USP33: variants seen among roughly 807,000 people sequenced by gnomAD.
USP33 encodes the protein ubiquitin specific peptidase 33, also known as ubiquitin carboxyl-terminal hydrolase 33.
Under a neutral mutation model 124.2 loss-of-function variants are expected in USP33, and 46 were observed. The observed-to-expected ratio is 0.37, with a 90% CI of 0.29 to 0.47. The LOEUF (loss-of-function observed/expected upper bound fraction) is 0.47, where lower values mean the gene tolerates loss of function less well. USP33 is among the 20% of genes least tolerant of loss of function. The pLI, the probability that USP33 is intolerant of heterozygous loss-of-function variation, is 0.99. For synonymous variants in USP33, 350 were observed against 352.3 expected (o/e 0.99, Z 0.07); for missense variants, 851 against 1,070.6 (o/e 0.79, Z 2.86).
At chr1:77,758,455 T>G (rs1681012885) in intron 1 of USP33, among the ~76,000 whole-genome samples, 1 of 152,204 alleles carries the variant, frequency 6.6e-6, no homozygotes, top group Non-Finnish European at 1.5e-5. Flanking sequence ...ATTACAGGCG[T>G]GAGCCACCGT....
chr1:77,741,017 T>G, intron 3 of USP33, 78 bp from the exon 4 acceptor site: 1 of 1,023,798 alleles, frequency 9.8e-7, no homozygotes, highest in Non-Finnish European at 1.4e-6. Flanking sequence ...TACAATTACA[T>G]TTACAATTAA....
At chr1:77,726,481 C>CA (rs1257779648) in intron 10 of USP33, among the ~76,000 whole-genome samples, 2 of 151,606 alleles carry the variant, frequency 1.3e-5, no homozygotes, top group African/African-American at 2.4e-5. Context: ...CCCATCTCTA[C>CA]AAAAAAATCT....
rs769214893 is a variant in USP33, at chr1:77,728,263, T to A, written c.1135+32A>T. 1.8e-5 allele frequency: 27 copies of A among 1,531,682 alleles called. No homozygotes were observed. The Admixed American group carries it at 5.6e-4, about 32-fold the overall frequency. 94.9% of individuals were successfully genotyped at this position (1,531,682 alleles called of 1,614,324 possible). A position where few individuals can be genotyped will look rare whatever the true frequency, so the allele number is the denominator to read the frequency against. ...ACCCATGTCTACAAATGAAATACTA[T>A]CATTTTCATGAACAAACTACTAAAT... On this transcript the variant is annotated intron_variant, in intron 10 of 23. Transcript: ENST00000370794.
At chr1:77,745,947 C>A (rs1052874152) in intron 1 of USP33, among the ~76,000 whole-genome samples, 15 of 152,118 alleles carry the variant, frequency 9.9e-5, no homozygotes, top group Non-Finnish European at 7.3e-5. Flanking sequence ...CTAAAATCGA[C>A]ACCCTAACAT....
At chr1:77,713,958 T>C (rs1675583402) in intron 19 of USP33, among the ~76,000 whole-genome samples, 2 of 152,356 alleles carry the variant, frequency 1.3e-5, no homozygotes, top group African/African-American at 2.4e-5. Flanking sequence ...CTATGTCCAA[T>C]ACAGGTATCC....
chr1:77,728,856 C>CACTA (rs1677462630), intron 9 of USP33, 144 bp from the exon 10 acceptor site: 7 of 889,738 alleles, frequency 7.9e-6, no homozygotes, highest in Non-Finnish European at 1.2e-5. Flanking sequence ...GAGCATAAGG[C>CACTA]ACTAGATAAA....
Position 77,759,658 on chromosome 1 carries a change from C to T in USP33, c.-67G>A, listed in dbSNP as rs2101637811. The stretch of plus-strand genomic sequence containing the variant: ...CCGCGCTCACCTCCACGGCCTGGCC[C>T]GCGGGACCCGCCAGCTCGACCAACA... On this transcript the variant is annotated 5_prime_UTR_variant, in exon 1 of 24. Transcript: ENST00000370794. The T allele has an allele frequency of 5.0e-6, 2 of 399,278 alleles. No homozygotes were observed. Among genetic ancestry groups the T allele is most frequent in the East Asian group, 3.6e-5 (1 of 28,084 alleles). 24.7% of individuals were successfully genotyped at this position (399,278 alleles called of 1,614,324 possible).
In USP33 at chr1:77,725,623, T is replaced by C. The variant is rs781384991; in HGVS notation, c.1275A>G (p.Lys425=). ...GACTGAATAAGAGAAACGTTTTACCTTTTTTGTGTGGTGGTGCCAATCCTG... is the reference window on the plus strand; with the variant it reads ...GACTGAATAAGAGAAACGTTTTACCCTTTTTGTGTGGTGGTGCCAATCCTG... The part of the protein sequence containing the change: ...LWPGLAPPHK[K]AQSASPKRKK... The change falls in exon 11 of 24, where the codon AAA becomes AAG. Residue 425 remains lysine, a splice_region_variant and synonymous_variant. Coordinates refer to ENST00000370794, the MANE Select transcript of USP33 (RefSeq NM_201624.3). 6.2e-7 allele frequency: 1 copy of C among 1,613,632 alleles called. No individual in the cohort carries two copies. The highest frequency in any genetic ancestry group is 1.7e-5 in the Admixed American group (1 of 59,916).
intron 7 of USP33, among the ~76,000 whole-genome samples, chr1:77,731,572 T>C (rs758201314): frequency 2.3e-4 from 35 of 152,064 alleles, no homozygotes; most frequent in Admixed American, 1.6e-3. Context: ...AGGGTCTTGT[T>C]ATGTTGCCCA....
chr1:77,740,688 T>C (rs1679025900), intron 4 of USP33, among the ~76,000 whole-genome samples, 189 bp downstream of exon 4: 1 of 152,226 alleles, frequency 6.6e-6, no homozygotes, highest in African/African-American at 2.4e-5. Flanking sequence ...GCTTTCTTAA[T>C]CACAACCTCA....
At chr1:77,740,105 T>C (rs896800928) in intron 4 of USP33, among the ~76,000 whole-genome samples, 4 of 152,176 alleles carry the variant, frequency 2.6e-5, no homozygotes, top group Non-Finnish European at 5.9e-5. Flanking sequence ...CGAGAAACTT[T>C]CCATTTAGAA....
chr1:77,721,921 C>T lies in USP33; in HGVS notation c.1567G>A (p.Val523Ile). The T allele has an allele frequency of 6.2e-7, 1 of 1,607,086 alleles. No individual in the cohort carries two copies. The highest frequency in any genetic ancestry group is 1.1e-5 in the South Asian group (1 of 89,208). ...AACCAGCTAGGGACACATGAGACAA[C>T]AAACCTGAAACATCATTGATAGAAA... Reference protein sequence around the residue: ...AFFMEYVKRFVVSCVPSWFWG... With the variant: ...AFFMEYVKRFIVSCVPSWFWG... Residue 523 changes from valine (V) to isoleucine (I), a missense_variant, in exon 14 of 24, where the codon GTT (valine) becomes ATT (isoleucine). Val to Ile is a conservative substitution (Grantham distance 29, BLOSUM62 3). Transcript: ENST00000370794.
intron 21 of USP33, among the ~76,000 whole-genome samples, chr1:77,707,982 G>A (rs927502255): frequency 6.6e-6 from 1 of 152,154 alleles, no homozygotes; most frequent in Admixed American, 6.6e-5. Flanking sequence ...TTTAGAAATA[G>A]GTATAGTGAC....
intron 15 of USP33, 137 bp downstream of exon 15, chr1:77,721,034 AT>A: frequency 1.2e-6 from 1 of 858,730 alleles, no homozygotes; most frequent in African/African-American, 1.7e-5. Context: ...AAAACAGCTA[AT>A]CTCTATTATT....
intron 1 of USP33, among the ~76,000 whole-genome samples, chr1:77,755,653 G>A (rs995774404): frequency 5.3e-5 from 8 of 152,178 alleles, no homozygotes; most frequent in African/African-American, 1.9e-4. Context: ...AGCCAAGATC[G>A]CACCACTGCA....
intron 1 of USP33, among the ~76,000 whole-genome samples, chr1:77,750,684 GAAAA>G (rs1422548803): frequency 1.1e-4 from 16 of 145,160 alleles, no homozygotes; most frequent in South Asian, 6.6e-4. Context: ...AAGAAAGAAA[GAAAA>G]AGGAAAAGAA....
At chr1:77,731,367 T>G (rs1382497586) in intron 7 of USP33, among the ~76,000 whole-genome samples, 4 of 152,160 alleles carry the variant, frequency 2.6e-5, no homozygotes, top group African/African-American at 9.7e-5. Context: ...AGTTAGCAAT[T>G]TATAAGGAAG....
intron 1 of USP33, among the ~76,000 whole-genome samples, chr1:77,753,620 GTATCT>G (rs987856710): frequency 1.3e-5 from 2 of 151,810 alleles, no homozygotes; most frequent in African/African-American, 2.4e-5. Flanking sequence ...TTTGAAAACT[GTATCT>G]TATAAGATAG....
At chr1:77,733,925 C>T (rs1262689822) in intron 7 of USP33, among the ~76,000 whole-genome samples, 1 of 152,086 alleles carries the variant, frequency 6.6e-6, no homozygotes, top group Non-Finnish European at 1.5e-5. Context: ...TATCACCTGA[C>T]TCAATGCATC....
Sources: gnomAD v4.1 joint callset for allele counts (sites outside exome capture counted in the v4.1 genomes callset) on GRCh38, gnomAD v4.1.1 for gene constraint, MANE v1.5 for transcripts, NCBI Gene and HGNC (gene_info 2026-07-23, HGNC 2026-07-21) for gene names.